The following CASP1 variants were observed in gnomAD, a reference collection of about 807,000 sequenced individuals.
The protein encoded by CASP1 is caspase-1.
CASP1 carries 31 observed loss-of-function variants against 41.2 expected under a neutral mutation model. The observed-to-expected ratio is 0.75, with a 90% confidence interval of 0.57 to 1.02. CASP1 has a LOEUF of 1.02. Ranked by LOEUF, CASP1 falls within the 50% of genes least tolerant of loss-of-function variation. CASP1 has a pLI of 0.00. For missense variants in CASP1, 490 were observed against 495.7 expected, an observed-to-expected ratio of 0.99 and a Z score of 0.11; for synonymous variants, 163 against 166.5, an observed-to-expected ratio of 0.98 and a Z score of 0.16.
At chr11:105,030,115 A>G (rs1863589920) in intron 5 of CASP1, among the ~76,000 whole-genome samples, 1 of 152,108 alleles carries the variant, frequency 6.6e-6, no homozygotes, top group Non-Finnish European at 1.5e-5. Context: ...GGCATTACTG[A>G]GTCAATAAAA....
Position 105,034,280 on chromosome 11 carries a change from C to T in CASP1, c.202G>A (p.Ala68Thr), listed in dbSNP as rs753192611. 6.2e-7 allele frequency: 1 copy of T among 1,614,136 alleles called. No homozygotes were observed. The highest frequency in any genetic ancestry group is 1.3e-5 in the African/African-American group (1 of 75,034). ...IDSVIPKGAQACQICITYICE... is the reference protein window; with the variant it reads ...IDSVIPKGAQTCQICITYICE... ...ATGTATGTGATGCAAATTTGGCATG[C>T]CTGTGCCCCTTTCGGAATAACGGAG... The change falls in exon 2 of 9, where the codon GCA (alanine) becomes ACA (threonine). Residue 68 changes from alanine to threonine, a missense_variant. Transcript: ENST00000533400.
In CASP1 at chr11:105,029,830, C is replaced by T. The variant is rs1395370957; in HGVS notation, c.697G>A (p.Val233Met). The change falls in exon 6 of 9, where the codon GTG (valine) becomes ATG (methionine). Residue 233 changes from valine (V) to methionine (M), a missense_variant. Physicochemically the swap from Val to Met is conservative, Grantham distance 21 (BLOSUM62 1). Transcript: ENST00000533400. ...TCCCGAATACCATGAGACATGAACACCAGGAACGTGCTGTCAGAGGTCTTG... is the reference window on the plus strand; with the variant it reads ...TCCCGAATACCATGAGACATGAACATCAGGAACGTGCTGTCAGAGGTCTTG... ...EHKTSDSTFL[V>M]FMSHGIREGI... The T allele has an allele frequency of 6.2e-7, 1 of 1,613,782 alleles. No individual in the cohort carries two copies. Among genetic ancestry groups the T allele is most frequent in the East Asian group, 2.2e-5 (1 of 44,872 alleles).
intron 2 of CASP1, 78 bp downstream of exon 2, chr11:105,034,130 C>T (rs1055844149): frequency 9.3e-6 from 15 of 1,610,480 alleles, no homozygotes; most frequent in Non-Finnish European, 1.3e-5. Context: ...TTCCAATTAA[C>T]ATGACTAGTA....
At chr11:105,027,501 A>T (rs1940947184) in intron 7 of CASP1, among the ~76,000 whole-genome samples, 1 of 152,058 alleles carries the variant, frequency 6.6e-6, no homozygotes, top group South Asian at 2.1e-4. Context: ...GAAGAAGAGA[A>T]ATATTAAAGA....
rs60332715 is a variant in CASP1, at chr11:105,025,621, TAA to T, written c.*635_*636del. ...ACTTCCTATGAGAAAAAGAAATAATTAAAAAAAAAAACATAGGAAAGAATTTT... is the reference window on the plus strand; with the variant it reads ...ACTTCCTATGAGAAAAAGAAATAATTAAAAAAAAACATAGGAAAGAATTTT... On this transcript the variant is annotated 3_prime_UTR_variant, in exon 9 of 9. Coordinates refer to ENST00000533400, the MANE Select transcript of CASP1 (RefSeq NM_001257118.3). 2.6e-5 allele frequency: 9 copies of T among 342,064 alleles called. No individual in the cohort carries two copies. Among genetic ancestry groups the T allele is most frequent in the South Asian group, 4.6e-5 (2 of 43,818 alleles). The allele number at this position is 342,064 out of a possible 1,614,324, so 21.2% of individuals were successfully genotyped here.
chr11:105,034,749 TG>T (rs1211283389), intron 1 of CASP1: 1 of 624,098 alleles, frequency 1.6e-6, no homozygotes, highest in East Asian at 2.8e-5. Context: ...TATTTAACTC[TG>T]GTTAATAAAG....
In CASP1 at chr11:105,026,345, T is replaced by C; in HGVS notation, c.1128A>G (p.Ser376=). ...VEEIFRKVRF[S]FEQPDGRAQM... The stretch of plus-strand genomic sequence containing the variant: ...GCGCTCTACCATCTGGCTGCTCAAA[T>C]GAAAATCGAACCTAAAAGAGTAAGG... Residue 376 remains serine, a synonymous_variant, in exon 9 of 9, where the codon TCA becomes TCG. Coordinates refer to ENST00000533400, the MANE Select transcript of CASP1 (RefSeq NM_001257118.3). 1 of 1,609,576 alleles carries C rather than the reference T, an allele frequency of 6.2e-7. No individual in the cohort carries two copies. Among genetic ancestry groups the C allele is most frequent in the Non-Finnish European group, 8.5e-7 (1 of 1,176,634 alleles).
At chr11:105,027,598 A>T (rs1178274627) in intron 7 of CASP1, among the ~76,000 whole-genome samples, 1 of 152,144 alleles carries the variant, frequency 6.6e-6, no homozygotes, top group Non-Finnish European at 1.5e-5. Context: ...AGCAGCAGCA[A>T]TAGCTCTGTA....
upstream of CASP1, among the ~76,000 whole-genome samples, chr11:105,035,559 A>G (rs79317160): frequency 6.7e-3 from 1,014 of 150,568 alleles, 16 homozygotes; most frequent in African/African-American, 0.024. Context: ...AACATTTTTC[A>G]CCAGAATTAA....
chr11:105,034,157 G>C (rs1177845660), intron 2 of CASP1, 51 bp downstream of exon 2: 2 of 1,613,058 alleles, frequency 1.2e-6, no homozygotes, highest in South Asian at 2.2e-5. Context: ...TCAAATGTTA[G>C]GCACGAAGAC....
Position 105,026,297 on chromosome 11 carries a change from C to T in CASP1, c.1176G>A (p.Val392=). The T allele has an allele frequency of 1.2e-6, 2 of 1,611,846 alleles. No individual in the cohort carries two copies. The highest frequency in any genetic ancestry group is 2.2e-5 in the East Asian group (1 of 44,848). Residue 392 remains valine, a synonymous_variant, in exon 9 of 9, where the codon GTG becomes GTA. Coordinates refer to ENST00000533400, the MANE Select transcript of CASP1 (RefSeq NM_001257118.3). ...AGAGGTAGAAACATCTTGTCAAAGTCACTCTTTCAGTGGTGGGCATCTGCG... is the reference window on the plus strand; with the variant it reads ...AGAGGTAGAAACATCTTGTCAAAGTTACTCTTTCAGTGGTGGGCATCTGCG... ...GRAQMPTTER[V]TLTRCFYLFP...
chr11:105,036,580 C>T (rs1265423676), upstream of CASP1, among the ~76,000 whole-genome samples: 3 of 152,080 alleles, frequency 2.0e-5, no homozygotes, highest in East Asian at 5.8e-4. Context: ...AAAGGGAATT[C>T]CTCTGCTCAT....
Position 105,025,765 on chromosome 11 carries a change from CA to C in CASP1, c.*492del, listed in dbSNP as rs1863235071. The C allele has an allele frequency of 3.5e-6, 1 of 284,952 alleles. No individual in the cohort carries two copies. Among genetic ancestry groups the C allele is most frequent in the Non-Finnish European group, 6.9e-6 (1 of 145,498 alleles). 17.7% of individuals were successfully genotyped at this position (284,952 alleles called of 1,614,324 possible). A position where few individuals can be genotyped will look rare whatever the true frequency, so the allele number is the denominator to read the frequency against. On this transcript the variant is annotated 3_prime_UTR_variant, in exon 9 of 9. Transcript: ENST00000533400. The stretch of plus-strand genomic sequence containing the variant: ...TGCTGAGGTGAAGGAGAGAAACATC[CA>C]AAAGTGAGGGTTTGTAGTCTTACGG...
intron 8 of CASP1, chr11:105,026,641 A>G (rs551594119): frequency 1.7e-6 from 1 of 601,468 alleles, no homozygotes; most frequent in Non-Finnish European, 2.9e-6. Context: ...AAACTAAATG[A>G]TTGTTTTCTC....
At chr11:105,034,649 A>G in intron 1 of CASP1, 175 bp from the exon 2 acceptor site, 1 of 1,102,068 alleles carries the variant, frequency 9.1e-7, no homozygotes, top group South Asian at 1.5e-5. Context: ...AATAGTCTCC[A>G]TACATGTGCA....
At chr11:105,032,978 G>T in intron 3 of CASP1, 86 bp downstream of exon 3, 1 of 794,506 alleles carries the variant, frequency 1.3e-6, no homozygotes, top group Non-Finnish European at 2.2e-6. Context: ...ATTCTCCATA[G>T]CCCATTTACC....
At chr11:105,035,074 A>G (rs1251311388) in intron 1 of CASP1, 33 bp downstream of exon 1, 2 of 1,612,488 alleles carry the variant, frequency 1.2e-6, no homozygotes, top group South Asian at 1.1e-5. Flanking sequence ...CTTTCTTCCC[A>G]GGGACCTGTT....
At position 105,026,173 on chromosome 11, in the gene CASP1, A is replaced by G. The variant is rs1321658276; in HGVS notation, c.*85T>C. ...AACCTAGAGTTCTTGACTCAAATGG[A>G]CTTTCAGTACCCTTTCCTCAACCTT... is the stretch of plus-strand genomic sequence containing the variant. On this transcript the variant is annotated 3_prime_UTR_variant, in exon 9 of 9. Transcript: ENST00000533400. The G allele has an allele frequency of 6.0e-6, 5 of 827,092 alleles. No homozygotes were observed. Among genetic ancestry groups the G allele is most frequent in the Non-Finnish European group, 1.0e-5 (5 of 502,158 alleles). 51.2% of individuals were successfully genotyped at this position (827,092 alleles called of 1,614,324 possible).
intron 3 of CASP1, among the ~76,000 whole-genome samples, chr11:105,031,867 T>C (rs1003599188): frequency 6.6e-6 from 1 of 152,100 alleles, no homozygotes; most frequent in Non-Finnish European, 1.5e-5. Context: ...GAAGATATAA[T>C]GATAAATGCT....
Sources: allele counts gnomAD v4.1 joint callset (sites outside exome capture counted in the v4.1 genomes callset), GRCh38; gene constraint gnomAD v4.1.1; transcripts MANE v1.5; gene names NCBI Gene and HGNC (gene_info 2026-07-23, HGNC 2026-07-21).